Variants in SMARCC1 observed in about 807,000 individuals in gnomAD.
SMARCC1 encodes SWI/SNF related BAF chromatin remodeling complex subunit C1, also known as SWI/SNF complex subunit SMARCC1.
Under a neutral mutation model 147.4 loss-of-function variants are expected in SMARCC1, and 43 were observed. The ratio of observed to expected loss-of-function variants is 0.29; its 90% CI spans 0.23 to 0.38. The LOEUF is 0.38. Ranked by LOEUF, SMARCC1 falls within the 10% of genes least tolerant of loss-of-function variation. The pLI is 1.00. For missense variants in SMARCC1, 1,119 were observed against 1,381.1 expected, an observed-to-expected ratio of 0.81 and a Z score of 3.01; for synonymous variants, 495 against 484.4, an observed-to-expected ratio of 1.02 and a Z score of -0.29.
Position 47,671,196 on chromosome 3 carries a change from A to AAACAAC in SMARCC1, c.1840-480_1840-479insGTTGTT, listed in dbSNP as rs1553682000. 8.3e-4 allele frequency among the ~76,000 whole-genome samples: 67 copies of AAACAAC among 81,182 alleles called. 1 individual carries two copies. The highest frequency in any genetic ancestry group is 2.0e-3 in the African/African-American group (51 of 25,060). 53.3% of individuals were successfully genotyped at this position (81,182 alleles called of 152,430 possible). A position where few individuals can be genotyped will look rare whatever the true frequency, so the allele number is the denominator to read the frequency against. Reference sequence around the variant, plus strand: ...CTCAAAAAAAAAAAAAAAAAAAAAAAAACACACACAAAAACCAAAACCAAA... The same window carrying AAACAAC: ...CTCAAAAAAAAAAAAAAAAAAAAAAAAACAACAACACACACAAAAACCAAAACCAAA... On this transcript the variant is annotated intron_variant, in intron 18 of 27. Coordinates refer to ENST00000254480, the MANE Select transcript of SMARCC1 (RefSeq NM_003074.4).
At chr3:47,691,186 G>T (rs1292301636) in intron 12 of SMARCC1, among the ~76,000 whole-genome samples, 1 of 152,068 alleles carries the variant, frequency 6.6e-6, no homozygotes, top group African/African-American at 2.4e-5. Flanking sequence ...TTCAATAAAT[G>T]TTCTCTTCCT....
chr3:47,594,595 G>A (rs1017833386), intron 26 of SMARCC1, among the ~76,000 whole-genome samples: 35 of 152,224 alleles, frequency 2.3e-4, no homozygotes, highest in African/African-American at 7.2e-4. Context: ...AGGAGTGAAA[G>A]GCAAACCAAG....
chr3:47,749,230 G>C (rs2034600237), intron 2 of SMARCC1, among the ~76,000 whole-genome samples: 2 of 152,084 alleles, frequency 1.3e-5, no homozygotes, highest in Non-Finnish European at 2.9e-5. Flanking sequence ...CTTGAACCTG[G>C]GAGGCAGAGG....
chr3:47,666,521 T>TA (rs546519855), intron 19 of SMARCC1, among the ~76,000 whole-genome samples: 11 of 150,336 alleles, frequency 7.3e-5, no homozygotes, highest in Non-Finnish European at 1.3e-4. Context: ...GAAACTGAAC[T>TA]AAACCAAGAA....
chr3:47,719,135 C>CA (rs1349943571), intron 7 of SMARCC1, among the ~76,000 whole-genome samples: 2 of 151,814 alleles, frequency 1.3e-5, no homozygotes, highest in African/African-American at 4.8e-5. Context: ...AGGATGGTCT[C>CA]AGTCTCCTGA....
At chr3:47,621,203 G>A (rs2032725663) in intron 25 of SMARCC1, among the ~76,000 whole-genome samples, 1 of 151,916 alleles carries the variant, frequency 6.6e-6, no homozygotes, top group Admixed American at 6.6e-5. Context: ...GGGAGGCTGA[G>A]GCAGGGGCAT....
intron 24 of SMARCC1, among the ~76,000 whole-genome samples, chr3:47,624,645 G>A (rs1396367765): frequency 6.6e-6 from 1 of 152,170 alleles, no homozygotes; most frequent in Non-Finnish European, 1.5e-5. Context: ...TGAGGTATGT[G>A]TTCTAGCTCA....
At chr3:47,735,702 C>T (rs1203038413) in intron 5 of SMARCC1, among the ~76,000 whole-genome samples, 1 of 151,910 alleles carries the variant, frequency 6.6e-6, no homozygotes, top group Non-Finnish European at 1.5e-5. Context: ...TGCAATGAAC[C>T]GGGATTGCAC....
At chr3:47,632,407 C>T (rs528093023) in intron 24 of SMARCC1, among the ~76,000 whole-genome samples, 21 of 152,172 alleles carry the variant, frequency 1.4e-4, no homozygotes, top group African/African-American at 4.6e-4. Flanking sequence ...TAAAGTGCTG[C>T]AATTACAGGT....
rs1457098745 is a variant in SMARCC1 at position 47,676,653 on chromosome 3, C to A, written c.1701G>T (p.Val567=). The change falls in exon 17 of 28, where the codon GTG becomes GTT. Residue 567 remains valine, a synonymous_variant. Transcript: ENST00000254480. ...NVLADTPSGL[V]PLHLRSPQVP... ...CCTGAGGTGATCGAAGATGCAGAGGCACAAGCCCAGAGGGGGTATCAGCTA... is the reference window on the plus strand; with the variant it reads ...CCTGAGGTGATCGAAGATGCAGAGGAACAAGCCCAGAGGGGGTATCAGCTA... The A allele has an allele frequency of 6.2e-7, 1 of 1,613,742 alleles. No homozygotes were observed. The highest frequency in any genetic ancestry group is 2.2e-5 in the East Asian group (1 of 44,894).
intron 19 of SMARCC1, among the ~76,000 whole-genome samples, chr3:47,670,098 T>C (rs1372447762): frequency 6.6e-6 from 1 of 152,256 alleles, no homozygotes; most frequent in African/African-American, 2.4e-5. Context: ...GATTAGGAAT[T>C]AGCTTCACTT....
chr3:47,740,227 G>T (rs368938964), intron 3 of SMARCC1, among the ~76,000 whole-genome samples: 1 of 100,642 alleles, frequency 9.9e-6, no homozygotes, highest in Non-Finnish European at 1.8e-5. Flanking sequence ...ACAGACTCTC[G>T]CCCTGTCGTC....
intron 3 of SMARCC1, among the ~76,000 whole-genome samples, chr3:47,745,354 TA>T (rs573722342): frequency 2.6e-5 from 4 of 152,204 alleles, no homozygotes; most frequent in Non-Finnish European, 5.9e-5. Context: ...GCCTACCTTC[TA>T]ATTTGCTAAC....
chr3:47,590,587 A>G, intron 27 of SMARCC1, 74 bp downstream of exon 27: 1 of 1,318,138 alleles, frequency 7.6e-7, no homozygotes, highest in South Asian at 1.8e-5. Context: ...GGGAGAGAAC[A>G]AAGCCTCCTT....
chr3:47,694,935 G>A (rs2033829962), intron 11 of SMARCC1, among the ~76,000 whole-genome samples: 1 of 152,018 alleles, frequency 6.6e-6, no homozygotes, highest in Non-Finnish European at 1.5e-5. Context: ...TTGTTAAATG[G>A]TAAATACTTT....
rs1280978147 is a variant in SMARCC1, at chr3:47,586,520, A to AG, written c.*1688dup. 11 of 152,680 alleles carry AG rather than the reference A, an allele frequency of 7.2e-5. No homozygotes were observed. Among genetic ancestry groups the AG allele is most frequent in the Non-Finnish European group, 1.5e-4 (10 of 68,050 alleles). 9.5% of individuals were successfully genotyped at this position (152,680 alleles called of 1,614,324 possible). On this transcript the variant is annotated 3_prime_UTR_variant, in exon 28 of 28. Coordinates refer to ENST00000254480, the MANE Select transcript of SMARCC1 (RefSeq NM_003074.4). ...GTATTCCAGTACTCTGATGGTGACC[A>AG]GGGACACCTGGTTAGAGGCAAACCT...
At chr3:47,684,049 G>A (rs1042241742) in intron 14 of SMARCC1, among the ~76,000 whole-genome samples, 2 of 152,074 alleles carry the variant, frequency 1.3e-5, no homozygotes, top group African/African-American at 2.4e-5. Context: ...TCAGGAGATC[G>A]AGACCACGGT....
chr3:47,745,941 C>A lies in SMARCC1; in HGVS notation c.368G>T (p.Gly123Val). 1 of 1,588,034 alleles carries A rather than the reference C, an allele frequency of 6.3e-7. No individual in the cohort carries two copies. The highest frequency in any genetic ancestry group is 8.5e-7 in the Non-Finnish European group (1 of 1,171,568). Reference sequence around the variant, plus strand: ...TTCATTTTTATACTTGTAAGCAGCCCCAAGAATGTGACATAAGGCGCCTCC... The same window carrying A: ...TTCATTTTTATACTTGTAAGCAGCCACAAGAATGTGACATAAGGCGCCTCC... Reference protein sequence around the residue: ...KAGGALCHILGAAYKYKNEQG... With the variant: ...KAGGALCHILVAAYKYKNEQG... The change falls in exon 3 of 28, where the codon GGG (glycine) becomes GTG (valine). Residue 123 changes from glycine (G) to valine (V), a missense_variant. Coordinates refer to ENST00000254480, the MANE Select transcript of SMARCC1 (RefSeq NM_003074.4).
At chr3:47,736,715 A>T (rs1019865139) in intron 4 of SMARCC1, among the ~76,000 whole-genome samples, 13 of 151,990 alleles carry the variant, frequency 8.6e-5, no homozygotes, top group East Asian at 1.9e-4. Flanking sequence ...ATAAATAAAA[A>T]AAATAAAAAA....
Sources: allele counts gnomAD v4.1 joint callset (sites outside exome capture counted in the v4.1 genomes callset), GRCh38; gene constraint gnomAD v4.1.1; transcripts MANE v1.5; gene names NCBI Gene and HGNC (gene_info 2026-07-23, HGNC 2026-07-21).